HS6ST3: variants seen among roughly 807,000 people sequenced by gnomAD.
The protein encoded by HS6ST3 is heparan-sulfate 6-O-sulfotransferase 3.
Under a neutral mutation model 36.7 loss-of-function variants are expected in HS6ST3, and 12 were observed. That is an observed-to-expected ratio of 0.33 (90% CI 0.21 to 0.53). The LOEUF is 0.53. HS6ST3 is among the 20% of genes least tolerant of loss of function. The probability of loss-of-function intolerance (pLI) is 0.95; values close to 1 mark genes in which losing one functional copy is unlikely to be tolerated. For missense variants in HS6ST3, 584 were observed against 640.9 expected (o/e 0.91, Z 0.96); for synonymous variants, 240 against 257.5 (o/e 0.93, Z 0.65).
intron 1 of HS6ST3, among the ~76,000 whole-genome samples, chr13:96,604,606 G>C (rs866949925): frequency 2.0e-5 from 3 of 152,088 alleles, no homozygotes; most frequent in Non-Finnish European, 4.4e-5. Flanking sequence ...ATAATGATTA[G>C]TTCTTTAACA....
At chr13:96,453,796 T>G (rs749822642) in intron 1 of HS6ST3, among the ~76,000 whole-genome samples, 4 of 152,178 alleles carry the variant, frequency 2.6e-5, no homozygotes, top group Non-Finnish European at 4.4e-5. Context: ...CACCCCTTCT[T>G]TTCGCCAACT....
rs182688089 is a variant in HS6ST3, at chr13:96,518,198, C to T, written c.708-314292C>T. 2.5e-4 allele frequency among the ~76,000 whole-genome samples: 38 copies of T among 152,270 alleles called. No homozygotes were observed. The East Asian group carries it at 6.9e-3, about 28-fold the overall frequency. On this transcript the variant is annotated intron_variant, in intron 1 of 1. Transcript: ENST00000376705. Reference sequence around the variant, plus strand: ...TCCTTTCCCTTGTAGGAGACACCATCTCCTTAACAGATTTTTATTAAAATA... The same window carrying T: ...TCCTTTCCCTTGTAGGAGACACCATTTCCTTAACAGATTTTTATTAAAATA...
chr13:96,664,333 T>A (rs1359404343), intron 1 of HS6ST3, among the ~76,000 whole-genome samples: 1 of 152,158 alleles, frequency 6.6e-6, no homozygotes, highest in East Asian at 1.9e-4. Flanking sequence ...TTGTCATTGT[T>A]GCCATTATCA....
chr13:96,147,538 G>A (rs1451640676), intron 1 of HS6ST3, among the ~76,000 whole-genome samples: 1 of 152,208 alleles, frequency 6.6e-6, no homozygotes, highest in Non-Finnish European at 1.5e-5. Context: ...ACATCTGCTT[G>A]TTCCCCAACC....
chr13:96,124,589 CT>C (rs1302616326), intron 1 of HS6ST3, among the ~76,000 whole-genome samples: 2 of 152,108 alleles, frequency 1.3e-5, no homozygotes, highest in African/African-American at 4.8e-5. Flanking sequence ...ATGGATGATT[CT>C]TTGGTATGGT....
intron 1 of HS6ST3, among the ~76,000 whole-genome samples, chr13:96,544,011 G>A (rs1362264405): frequency 6.6e-6 from 1 of 151,758 alleles, no homozygotes; most frequent in Non-Finnish European, 1.5e-5. Context: ...GGGTAAGGGA[G>A]ATCAGGCATA....
chr13:96,177,519 G>T lies in HS6ST3; in HGVS notation c.707+85950G>T, dbSNP rs142509087. Among the ~76,000 whole-genome samples, 395 of 152,166 alleles carry T rather than the reference G, an allele frequency of 2.6e-3. 3 individuals are homozygous for T. Among genetic ancestry groups the T allele is most frequent in the African/African-American group, 8.5e-3 (351 of 41,518 alleles). ...CATTATCCTTAGCAAACTAATGCAG[G>T]AACAGAAAACCAAATACTGCATGTT... On this transcript the variant is annotated intron_variant, in intron 1 of 1. Transcript: ENST00000376705.
At chr13:96,356,844 A>T (rs1263639117) in intron 1 of HS6ST3, among the ~76,000 whole-genome samples, 1 of 152,206 alleles carries the variant, frequency 6.6e-6, no homozygotes. Flanking sequence ...TAGCTATGAA[A>T]ATCCTAGATG....
intron 1 of HS6ST3, among the ~76,000 whole-genome samples, chr13:96,160,823 A>C (rs1332401032): frequency 6.6e-6 from 1 of 152,236 alleles, no homozygotes; most frequent in Non-Finnish European, 1.5e-5. Context: ...AAGTAAATGC[A>C]GTGAAAGACG....
chr13:96,420,579 G>A (rs1324988147), intron 1 of HS6ST3, among the ~76,000 whole-genome samples: 1 of 152,132 alleles, frequency 6.6e-6, no homozygotes, highest in Non-Finnish European at 1.5e-5. Context: ...TTGAAACATA[G>A]CCGATAATTG....
intron 1 of HS6ST3, among the ~76,000 whole-genome samples, chr13:96,430,427 A>G (rs2055609072): frequency 6.6e-6 from 1 of 152,206 alleles, no homozygotes; most frequent in African/African-American, 2.4e-5. Context: ...CGGTGTCTCC[A>G]TGAACTTATG....
intron 1 of HS6ST3, 148 bp from the exon 2 acceptor site, chr13:96,832,342 C>T (rs1428550595): frequency 6.6e-6 from 4 of 603,938 alleles, no homozygotes; most frequent in Non-Finnish European, 1.1e-5. Context: ...TATGCACATG[C>T]ATCAATAGAC....
chr13:96,694,638 C>T (rs2138447707), intron 1 of HS6ST3, among the ~76,000 whole-genome samples: 1 of 152,294 alleles, frequency 6.6e-6, no homozygotes, highest in Non-Finnish European at 1.5e-5. Flanking sequence ...CATGGTTGAA[C>T]TCATTTACAC....
intron 1 of HS6ST3, among the ~76,000 whole-genome samples, chr13:96,322,904 A>C (rs1437444277): frequency 4.6e-5 from 7 of 152,080 alleles, no homozygotes; most frequent in Admixed American, 4.6e-4. Flanking sequence ...CAGTTCCTTC[A>C]TTTTCAAACA....
chr13:96,755,393 C>T (rs1284745094), intron 1 of HS6ST3, among the ~76,000 whole-genome samples: 2 of 151,936 alleles, frequency 1.3e-5, no homozygotes, highest in African/African-American at 4.8e-5. Flanking sequence ...GAGACAGAGT[C>T]TCACTCTATC....
At chr13:96,366,583 C>T (rs1460392721) in intron 1 of HS6ST3, among the ~76,000 whole-genome samples, 1 of 152,076 alleles carries the variant, frequency 6.6e-6, no homozygotes, top group Non-Finnish European at 1.5e-5. Context: ...TTTGGGTGCA[C>T]ATCAGAATCA....
intron 1 of HS6ST3, among the ~76,000 whole-genome samples, chr13:96,764,376 C>T (rs550080621): frequency 3.3e-5 from 5 of 152,300 alleles, no homozygotes; most frequent in African/African-American, 1.2e-4. Context: ...TCATCTTAGG[C>T]TTCCCAAAGC....
chr13:96,275,953 T>G (rs1454496080), intron 1 of HS6ST3, among the ~76,000 whole-genome samples: 1 of 151,796 alleles, frequency 6.6e-6, no homozygotes, highest in Non-Finnish European at 1.5e-5. Context: ...AAGCACAGCC[T>G]GGGTGTAGAG....
At chr13:96,501,399 G>T (rs1354349911) in intron 1 of HS6ST3, among the ~76,000 whole-genome samples, 3 of 152,214 alleles carry the variant, frequency 2.0e-5, no homozygotes, top group African/African-American at 7.2e-5. Flanking sequence ...TTAAGAGAAT[G>T]AATCCTGGAG....
Sources: gnomAD v4.1 joint callset for allele counts (sites outside exome capture counted in the v4.1 genomes callset) on GRCh38, gnomAD v4.1.1 for gene constraint, MANE v1.5 for transcripts, NCBI Gene and HGNC (gene_info 2026-07-23, HGNC 2026-07-21) for gene names.